EXOC4: variants seen among roughly 807,000 people sequenced by gnomAD.
EXOC4 encodes the protein exocyst complex component 4.
A neutral mutation model predicts 107.2 loss-of-function variants in EXOC4; 71 were observed. The observed-to-expected ratio is 0.66, with a 90% CI of 0.55 to 0.81. The LOEUF is 0.81. Among genes scored for constraint, EXOC4 ranks in the 30% least tolerant of loss-of-function variants. The pLI is 0.00. For synonymous variants in EXOC4, 456 were observed against 441.2 expected (o/e 1.03, Z -0.42); for missense variants, 1,108 against 1,189.6 (o/e 0.93, Z 1.01).
chr7:134,083,274 A>G, the EXOC4 span, among the ~76,000 whole-genome samples: 1 of 152,158 alleles, frequency 6.6e-6, no homozygotes. Context: ...GAGGGGTTAT[A>G]TGGGCCCCAT....
chr7:133,412,458 C>A (rs112740641), intron 7 of EXOC4, among the ~76,000 whole-genome samples: 1 of 151,468 alleles, frequency 6.6e-6, no homozygotes, highest in African/African-American at 2.4e-5. Flanking sequence ...TTTTCACTTT[C>A]AGGTATAAAG....
At chr7:133,927,737 T>C (rs1398853883) in intron 13 of EXOC4, among the ~76,000 whole-genome samples, 4 of 152,184 alleles carry the variant, frequency 2.6e-5, no homozygotes, top group Admixed American at 1.3e-4. Context: ...ACTAAAATAT[T>C]TTCTTTGCTG....
intron 6 of EXOC4, among the ~76,000 whole-genome samples, chr7:133,365,402 G>A (rs1014942998): frequency 6.6e-6 from 1 of 152,098 alleles, no homozygotes; most frequent in Non-Finnish European, 1.5e-5. Context: ...TAGGGCCTGG[G>A]TTTATTTTCT....
intron 10 of EXOC4, among the ~76,000 whole-genome samples, chr7:133,742,490 C>T (rs1258665806): frequency 6.6e-6 from 1 of 152,146 alleles, no homozygotes; most frequent in African/African-American, 2.4e-5. Context: ...ATTTAAGATT[C>T]TCAACATGTA....
chr7:133,533,176 A>C (rs1034876917), intron 9 of EXOC4, among the ~76,000 whole-genome samples: 1 of 152,164 alleles, frequency 6.6e-6, no homozygotes, highest in Admixed American at 6.6e-5. Context: ...TTAGAAGGCC[A>C]CTTAACCATT....
chr7:133,744,365 G>C (rs1451883965), intron 10 of EXOC4, among the ~76,000 whole-genome samples: 1 of 152,038 alleles, frequency 6.6e-6, no homozygotes, highest in Non-Finnish European at 1.5e-5. Flanking sequence ...GTGAGTAATA[G>C]AGCCAGGATT....
rs28655146 is a variant in EXOC4, at chr7:133,510,525, C to T, written c.1417+30387C>T. Reference sequence around the variant, plus strand: ...TTGCCTAACTACTGGTCTCTAAAACCTGTGATTTTCTTATCTCTAAAAGGT... The same window carrying T: ...TTGCCTAACTACTGGTCTCTAAAACTTGTGATTTTCTTATCTCTAAAAGGT... On this transcript the variant is annotated intron_variant, in intron 9 of 17. Transcript: ENST00000253861. 9.5e-4 allele frequency among the ~76,000 whole-genome samples: 144 copies of T among 152,274 alleles called. 1 individual carries two copies. Among genetic ancestry groups the T allele is most frequent in the African/African-American group, 3.2e-3 (135 of 41,572 alleles).
chr7:133,664,502 A>G (rs954464135), intron 10 of EXOC4, among the ~76,000 whole-genome samples: 15 of 152,188 alleles, frequency 9.9e-5, no homozygotes, highest in African/African-American at 3.4e-4. Context: ...CTCTGAACAG[A>G]GGTGCCTCTG....
intron 11 of EXOC4, among the ~76,000 whole-genome samples, chr7:133,830,684 T>C (rs1797790528): frequency 6.6e-6 from 1 of 152,214 alleles, no homozygotes; most frequent in African/African-American, 2.4e-5. Context: ...AGAGTTCCCA[T>C]ATACCCCCAC....
chr7:133,276,942 T>G (rs902724657), intron 2 of EXOC4, among the ~76,000 whole-genome samples: 2 of 152,150 alleles, frequency 1.3e-5, no homozygotes, highest in Admixed American at 1.3e-4. Context: ...GTTGACCTCT[T>G]TATATTTTAA....
intron 10 of EXOC4, among the ~76,000 whole-genome samples, chr7:133,757,100 A>C (rs1562985044): frequency 6.6e-6 from 1 of 152,194 alleles, no homozygotes; most frequent in Non-Finnish European, 1.5e-5. Flanking sequence ...TCTGTGCGTA[A>C]GTGGCTGTTC....
intron 1 of EXOC4, among the ~76,000 whole-genome samples, chr7:133,258,476 C>T (rs73148903): frequency 0.012 from 1,870 of 152,184 alleles, 20 homozygotes; most frequent in Middle Eastern, 0.024. Flanking sequence ...TTAAAACCAC[C>T]GCGTCTTAGT....
intron 10 of EXOC4, among the ~76,000 whole-genome samples, chr7:133,811,197 A>G (rs2551000): frequency 0.98 from 149,896 of 152,268 alleles, 73,848 homozygotes; most frequent in Middle Eastern, 1. Flanking sequence ...AACCCCTGGT[A>G]TAAAAGTACT....
rs185499925 is a variant in EXOC4 at position 133,594,941 on chromosome 7, A to G, written c.1418-35104A>G. Among the ~76,000 whole-genome samples the G allele has an allele frequency of 5.3e-5, 8 of 152,314 alleles. No homozygotes were observed. The East Asian group carries it at 1.5e-3, about 29-fold the overall frequency. ...CAGAGTAATGATGGTAGTAGGTGTCAGTTGCTATTTCAGATCCAATGGTCA... is the reference window on the plus strand; with the variant it reads ...CAGAGTAATGATGGTAGTAGGTGTCGGTTGCTATTTCAGATCCAATGGTCA... On this transcript the variant is annotated intron_variant, in intron 9 of 17. Coordinates refer to ENST00000253861, the MANE Select transcript of EXOC4 (RefSeq NM_021807.4).
intron 5 of EXOC4, among the ~76,000 whole-genome samples, chr7:133,320,659 T>C (rs538719109): frequency 6.6e-6 from 1 of 152,206 alleles, no homozygotes; most frequent in Non-Finnish European, 1.5e-5. Flanking sequence ...TACCACACTC[T>C]ACGCTGCCCA....
rs35280420 is a variant in EXOC4, at chr7:133,439,182, C to CTTTTT, written c.1183-36129_1183-36125dup. ...GGAAATATACCATATTTCATCAGTT[C>CTTTTT]TTTTTTTTTTTTTTTTTTTTTGAGA... On this transcript the variant is annotated intron_variant, in intron 7 of 17. Transcript: ENST00000253861. Among the ~76,000 whole-genome samples the CTTTTT allele has an allele frequency of 1.5e-3, 143 of 94,062 alleles. 1 individual carries two copies. The highest frequency in any genetic ancestry group is 2.8e-3 in the South Asian group (7 of 2,500). The allele number at this position is 94,062 out of a possible 152,430, so 61.7% of individuals were successfully genotyped here.
At chr7:133,760,548 G>A (rs951371006) in intron 10 of EXOC4, among the ~76,000 whole-genome samples, 22 of 151,994 alleles carry the variant, frequency 1.4e-4, no homozygotes, top group African/African-American at 4.8e-4. Flanking sequence ...TGATATGACC[G>A]CACACGTGAG....
chr7:133,414,385 A>T (rs767435823), intron 7 of EXOC4, among the ~76,000 whole-genome samples: 4 of 152,190 alleles, frequency 2.6e-5, no homozygotes, highest in Admixed American at 6.5e-5. Flanking sequence ...AATTACTACA[A>T]TCTTTTAAGC....
At chr7:133,851,598 A>AGCCAGAGGGAGTGGTGCATGCACATTC (rs1563026713) in intron 11 of EXOC4, among the ~76,000 whole-genome samples, 29 of 152,138 alleles carry the variant, frequency 1.9e-4, no homozygotes, top group Non-Finnish European at 2.5e-4. Flanking sequence ...GCAGCACATT[A>AGCCAGAGGGAGTGGTGCATGCACATTC]CAGCCAGAGG....
Sources: gnomAD v4.1 joint callset for allele counts (sites outside exome capture counted in the v4.1 genomes callset) on GRCh38, gnomAD v4.1.1 for gene constraint, MANE v1.5 for transcripts, NCBI Gene and HGNC (gene_info 2026-07-23, HGNC 2026-07-21) for gene names.